Variants in EPHA3 observed in about 807,000 individuals in gnomAD.
EPHA3 encodes the protein ephrin type-A receptor 3.
In EPHA3, 42 loss-of-function variants were observed where a neutral mutation model predicts 107.1. The observed-to-expected ratio is 0.39, with a 90% CI of 0.31 to 0.51. The LOEUF (loss-of-function observed/expected upper bound fraction) is 0.51, where lower values mean the gene tolerates loss of function less well. Ranked by LOEUF, EPHA3 falls within the 20% of genes least tolerant of loss-of-function variation. EPHA3 has a pLI of 0.78. For synonymous variants in EPHA3, 461 were observed against 424.8 expected, an observed-to-expected ratio of 1.09 and a Z score of -1.05; for missense variants, 1,183 against 1,211.2, an observed-to-expected ratio of 0.98 and a Z score of 0.35.
intron 6 of EPHA3, among the ~76,000 whole-genome samples, chr3:89,397,176 C>G (rs959285605): frequency 6.6e-6 from 1 of 152,098 alleles, no homozygotes; most frequent in African/African-American, 2.4e-5. Flanking sequence ...TTCATAGTCT[C>G]TCTTACAGAA....
At chr3:89,425,674 T>G (rs954631209) in intron 11 of EPHA3, among the ~76,000 whole-genome samples, 5 of 151,578 alleles carry the variant, frequency 3.3e-5, no homozygotes, top group African/African-American at 1.2e-4. Flanking sequence ...ACAAAGTTTG[T>G]TAGAAAATTT....
intron 13 of EPHA3, among the ~76,000 whole-genome samples, chr3:89,435,411 G>A (rs553430148): frequency 2.0e-5 from 3 of 146,994 alleles, no homozygotes; most frequent in East Asian, 4.0e-4. Context: ...ACCAGCCTGG[G>A]CAACATAGCA....
intron 7 of EPHA3, among the ~76,000 whole-genome samples, chr3:89,400,634 A>T (rs530901329): frequency 2.2e-4 from 31 of 143,122 alleles, no homozygotes; most frequent in African/African-American, 7.2e-4. Flanking sequence ...TGTGTGTGTG[A>T]GCGTGTGTGT....
At chr3:89,451,505 T>A (rs548013573) in intron 15 of EPHA3, among the ~76,000 whole-genome samples, 2 of 152,224 alleles carry the variant, frequency 1.3e-5, no homozygotes, top group Non-Finnish European at 2.9e-5. Context: ...TTCTCTCTGA[T>A]TTATCACATG....
chr3:89,342,476 A>G (rs1707551558), intron 5 of EPHA3, among the ~76,000 whole-genome samples: 2 of 152,286 alleles, frequency 1.3e-5, no homozygotes, highest in Middle Eastern at 3.4e-3. Context: ...GCTTAGTTAA[A>G]ATTAGGTATT....
chr3:89,448,319 C>A (rs1470209395), intron 13 of EPHA3, among the ~76,000 whole-genome samples: 1 of 152,098 alleles, frequency 6.6e-6, no homozygotes, highest in African/African-American at 2.4e-5. Flanking sequence ...GTGCTAGATA[C>A]CTATTTCGTT....
At chr3:89,123,358 G>A (rs1324564258) in intron 1 of EPHA3, among the ~76,000 whole-genome samples, 1 of 152,122 alleles carries the variant, frequency 6.6e-6, no homozygotes. Context: ...GGCCAGGCTG[G>A]TCTTGAACTC....
chr3:89,122,594 T>A, intron 1 of EPHA3, among the ~76,000 whole-genome samples: 1 of 152,354 alleles, frequency 6.6e-6, no homozygotes, highest in Middle Eastern at 3.4e-3. Context: ...TCTGCATGTT[T>A]GTGGCACTTA....
At chr3:89,182,768 G>A (rs147525785) in intron 2 of EPHA3, among the ~76,000 whole-genome samples, 45 of 151,782 alleles carry the variant, frequency 3.0e-4, no homozygotes, top group Non-Finnish European at 4.4e-5. Context: ...TTCTACATCT[G>A]TACCAATGTC....
chr3:89,332,247 G>A (rs1707304464), intron 3 of EPHA3, among the ~76,000 whole-genome samples: 1 of 152,134 alleles, frequency 6.6e-6, no homozygotes, highest in South Asian at 2.1e-4. Flanking sequence ...ACCATCCTCA[G>A]GACCAGAAGC....
chr3:89,466,644 C>A (rs1453006953), intron 15 of EPHA3, among the ~76,000 whole-genome samples: 1 of 128,824 alleles, frequency 7.8e-6, no homozygotes. Flanking sequence ...AACTCCCTGA[C>A]CCCTTGCGCT....
intron 5 of EPHA3, among the ~76,000 whole-genome samples, chr3:89,373,960 G>C (rs1391095530): frequency 2.0e-5 from 3 of 151,658 alleles, no homozygotes; most frequent in Admixed American, 1.3e-4. Flanking sequence ...CTATGAGATA[G>C]GTGCTATTCA....
At chr3:89,412,356 A>G (rs1313774006) in intron 9 of EPHA3, among the ~76,000 whole-genome samples, 1 of 151,614 alleles carries the variant, frequency 6.6e-6, no homozygotes, top group African/African-American at 2.4e-5. Context: ...GGAGATTTTT[A>G]TTTAATAAAT....
intron 3 of EPHA3, among the ~76,000 whole-genome samples, chr3:89,251,654 A>C (rs1251747885): frequency 6.6e-6 from 1 of 152,100 alleles, no homozygotes; most frequent in East Asian, 1.9e-4. Context: ...TAAAGATAAA[A>C]TATATTAAGT....
chr3:89,471,523 C>A (rs1298813894), intron 15 of EPHA3, among the ~76,000 whole-genome samples: 1 of 152,066 alleles, frequency 6.6e-6, no homozygotes, highest in Non-Finnish European at 1.5e-5. Context: ...CATGTGCCAC[C>A]ATGGCTAATT....
At chr3:89,411,341 T>C (rs144979352) in intron 9 of EPHA3, among the ~76,000 whole-genome samples, 1 of 152,032 alleles carries the variant, frequency 6.6e-6, no homozygotes, top group African/African-American at 2.4e-5. Context: ...AGTGGTGTCC[T>C]TTCAAATTAT....
intron 10 of EPHA3, among the ~76,000 whole-genome samples, chr3:89,418,716 A>G (rs1709298060): frequency 6.6e-6 from 1 of 151,442 alleles, no homozygotes; most frequent in Non-Finnish European, 1.5e-5. Flanking sequence ...CTCCAATAAA[A>G]TAAATTGATA....
Position 89,450,298 on chromosome 3 carries a change from A to G in EPHA3, c.2618A>G (p.Gln873Arg). The G allele has an allele frequency of 6.2e-7, 1 of 1,614,064 alleles. No individual in the cohort carries two copies. Among genetic ancestry groups the G allele is most frequent in the Non-Finnish European group, 8.5e-7 (1 of 1,179,956 alleles). The change falls in exon 15 of 17, where the codon CAG becomes CGG. Residue 873 changes from glutamine (Q) to arginine (R), a missense_variant. Physicochemically the swap from Gln to Arg is conservative, Grantham distance 43 (BLOSUM62 1). Transcript: ENST00000336596. ...AGGAACAACAGACCCAAGTTTGAGC[A>G]GATTGTTAGTATTCTGGACAAGCTT... is the stretch of plus-strand genomic sequence containing the variant. Reference protein sequence around the residue: ...KDRNNRPKFEQIVSILDKLIR... With the variant: ...KDRNNRPKFERIVSILDKLIR...
chr3:89,149,679 T>G (rs1037755138), intron 2 of EPHA3, among the ~76,000 whole-genome samples: 3 of 135,382 alleles, frequency 2.2e-5, no homozygotes, highest in African/African-American at 8.2e-5. Flanking sequence ...TTCCCCTTCC[T>G]GTGTCCATGT....
Sources: allele counts gnomAD v4.1 joint callset (sites outside exome capture counted in the v4.1 genomes callset), GRCh38; gene constraint gnomAD v4.1.1; transcripts MANE v1.5; gene names NCBI Gene and HGNC (gene_info 2026-07-23, HGNC 2026-07-21).